Variants in MYPN observed in about 807,000 individuals in gnomAD.
MYPN encodes the protein sarcomeric protein myopalladin, 145 kDa (MYOP).
Under a neutral mutation model 129.4 loss-of-function variants are expected in MYPN, and 63 were observed. The observed-to-expected ratio is 0.49, with a 90% CI of 0.40 to 0.60. MYPN has a LOEUF of 0.60. Ranked by LOEUF, MYPN falls within the 20% of genes least tolerant of loss-of-function variation. The probability of loss-of-function intolerance (pLI) is 0.00; values close to 1 mark genes in which losing one functional copy is unlikely to be tolerated. For synonymous variants in MYPN, 629 were observed against 600.9 expected (o/e 1.05, Z -0.68); for missense variants, 1,596 against 1,635.4 (o/e 0.98, Z 0.42).
chr10:68,149,737 T>C (rs1226930167), intron 5 of MYPN, among the ~76,000 whole-genome samples: 5 of 152,352 alleles, frequency 3.3e-5, no homozygotes, highest in East Asian at 3.9e-4. Context: ...CTGTGATCTG[T>C]GTAGCCCCAG....
chr10:68,094,649 T>TA (rs34007283), intron 1 of MYPN, among the ~76,000 whole-genome samples: 42,099 of 152,064 alleles, frequency 0.28, 7,169 homozygotes, highest in East Asian at 0.85. Context: ...CAGCATTTAA[T>TA]ACAAATAAAA....
At chr10:68,151,012 T>C (rs2042760379) in intron 6 of MYPN, among the ~76,000 whole-genome samples, 1 of 152,180 alleles carries the variant, frequency 6.6e-6, no homozygotes, top group African/African-American at 2.4e-5. Context: ...TTGTCACAGC[T>C]GGGGGGTTGC....
At position 68,211,231 on chromosome 10, in the gene MYPN, A is replaced by G. The variant is rs1338652118; in HGVS notation, c.*776A>G. The stretch of plus-strand genomic sequence containing the variant: ...GAACTAAAGGATTGGTAATAAACCA[A>G]TCAGAAAGAAATCCTCTGTGGGGTC... On this transcript the variant is annotated 3_prime_UTR_variant, in exon 20 of 20. Transcript: ENST00000358913. The G allele has an allele frequency of 8.8e-6, 4 of 453,994 alleles. No homozygotes were observed. Among genetic ancestry groups the G allele is most frequent in the South Asian group, 4.7e-5 (3 of 64,484 alleles). 28.1% of individuals were successfully genotyped at this position (453,994 alleles called of 1,614,324 possible).
At chr10:68,146,316 A>G (rs2042666061) in intron 4 of MYPN, among the ~76,000 whole-genome samples, 1 of 152,038 alleles carries the variant, frequency 6.6e-6, no homozygotes, top group Non-Finnish European at 1.5e-5. Flanking sequence ...TTCTCTGTCT[A>G]GCAAACTCTT....
At chr10:68,205,128 C>G (rs186033691) in intron 18 of MYPN, among the ~76,000 whole-genome samples, 2 of 152,100 alleles carry the variant, frequency 1.3e-5, no homozygotes, top group East Asian at 3.9e-4. Context: ...TCGTCTTAGT[C>G]GTCTCAGGTC....
chr10:68,117,128 G>A (rs10762187), intron 1 of MYPN, among the ~76,000 whole-genome samples: 40,602 of 151,674 alleles, frequency 0.27, 5,785 homozygotes, highest in East Asian at 0.45. Flanking sequence ...GGAGGCTGAG[G>A]CAGGAGAATC....
rs528449506 is a variant in MYPN, at chr10:68,132,412, T to A, written c.902+10072T>A. On this transcript the variant is annotated intron_variant, in intron 2 of 19. Coordinates refer to ENST00000358913, the MANE Select transcript of MYPN (RefSeq NM_032578.4). ...GCTAATTTTTAAAAGGATTTTGCATTTTTGTTCAAGTACAAAATTGGCCTC... is the reference window on the plus strand; with the variant it reads ...GCTAATTTTTAAAAGGATTTTGCATATTTGTTCAAGTACAAAATTGGCCTC... Among the ~76,000 whole-genome samples the A allele has an allele frequency of 2.6e-5, 4 of 152,352 alleles. No individual in the cohort carries two copies. In the South Asian group the frequency reaches 8.3e-4, roughly 32 times the overall value.
chr10:68,186,281 TA>T (rs1170360464), intron 12 of MYPN, among the ~76,000 whole-genome samples: 2 of 152,212 alleles, frequency 1.3e-5, no homozygotes, highest in Admixed American at 6.5e-5. Flanking sequence ...TTGGTTCCAG[TA>T]AATTAAAACC....
chr10:68,088,949 C>T (rs982837721), intron 1 of MYPN, among the ~76,000 whole-genome samples: 25 of 152,204 alleles, frequency 1.6e-4, no homozygotes, highest in African/African-American at 5.8e-4. Flanking sequence ...AACCATTAAT[C>T]TACTTTCTGT....
chr10:68,204,870 TC>T (rs955378785), intron 18 of MYPN, among the ~76,000 whole-genome samples: 1 of 151,752 alleles, frequency 6.6e-6, no homozygotes, highest in East Asian at 1.9e-4. Flanking sequence ...TTCTTCCTAG[TC>T]CCCCCACTTG....
intron 12 of MYPN, among the ~76,000 whole-genome samples, chr10:68,182,958 G>C (rs1321687465): frequency 6.6e-6 from 1 of 152,012 alleles, no homozygotes; most frequent in Non-Finnish European, 1.5e-5. Flanking sequence ...TCATCATATT[G>C]CTTCTGTAGT....
intron 4 of MYPN, among the ~76,000 whole-genome samples, chr10:68,146,253 G>C (rs2042665124): frequency 6.6e-6 from 1 of 152,078 alleles, no homozygotes; most frequent in Non-Finnish European, 1.5e-5. Flanking sequence ...ATCATGTATA[G>C]TTCCTCTTCA....
chr10:68,108,544 C>T (rs2042039861), upstream of MYPN, among the ~76,000 whole-genome samples: 1 of 152,064 alleles, frequency 6.6e-6, no homozygotes, highest in Non-Finnish European at 1.5e-5. Flanking sequence ...AGATTTAAAC[C>T]AATGTGTTTC....
At chr10:68,121,292 T>A (rs966972553) in intron 1 of MYPN, 146 bp from the exon 2 acceptor site, 1 of 754,832 alleles carries the variant, frequency 1.3e-6, no homozygotes, top group African/African-American at 1.8e-5. Context: ...ATAAATAAAT[T>A]AATTAAAAGT....
chr10:68,136,579 G>T (rs12221035), intron 2 of MYPN: 1 of 1,489,390 alleles, frequency 6.7e-7, no homozygotes, highest in African/African-American at 1.4e-5. Context: ...TCAGAGTGAC[G>T]GTTACCGATT....
intron 1 of MYPN, among the ~76,000 whole-genome samples, chr10:68,091,357 C>T (rs933160421): frequency 6.8e-6 from 1 of 147,646 alleles, no homozygotes; most frequent in Non-Finnish European, 1.5e-5. Context: ...AGTATAAAGA[C>T]ATATATACAT....
chr10:68,136,530 G>T, intron 2 of MYPN: 1 of 1,416,820 alleles, frequency 7.1e-7, no homozygotes, highest in Non-Finnish European at 9.2e-7. Flanking sequence ...AAGCCAGCCT[G>T]ATCCCTGCCT....
At chr10:68,192,580 G>T (rs952014547) in intron 13 of MYPN, among the ~76,000 whole-genome samples, 23 of 152,176 alleles carry the variant, frequency 1.5e-4, no homozygotes, top group African/African-American at 5.1e-4. Context: ...AGTTTGAGTA[G>T]AATTGATATT....
At chr10:68,169,120 C>A (rs150427000) in intron 10 of MYPN, among the ~76,000 whole-genome samples, 1 of 137,646 alleles carries the variant, frequency 7.3e-6, no homozygotes, top group African/African-American at 2.9e-5. Flanking sequence ...CCAAGGCGGG[C>A]GGATCACGAG....
Sources: gnomAD v4.1 joint callset for allele counts (sites outside exome capture counted in the v4.1 genomes callset) on GRCh38, gnomAD v4.1.1 for gene constraint, MANE v1.5 for transcripts, NCBI Gene and HGNC (gene_info 2026-07-23, HGNC 2026-07-21) for gene names.